The following DLG2 variants were observed in gnomAD, a reference collection of about 807,000 sequenced individuals.
DLG2 encodes discs large MAGUK scaffold protein 2.
Under a neutral mutation model 132.5 loss-of-function variants are expected in DLG2, and 45 were observed. That is an observed-to-expected ratio of 0.34 (90% CI 0.27 to 0.44). The LOEUF (loss-of-function observed/expected upper bound fraction) is 0.44. DLG2 is among the 20% of genes least tolerant of loss of function. The pLI is 1.00. For synonymous variants in DLG2, 424 were observed against 419.6 expected (o/e 1.01, Z -0.13); for missense variants, 1,045 against 1,196.9 (o/e 0.87, Z 1.87).
rs146022712 is a variant in DLG2, at chr11:85,413,009, A to G, written c.41-127644T>C. Among the ~76,000 whole-genome samples, 1,344 of 151,972 alleles carry G rather than the reference A, an allele frequency of 8.8e-3. 21 individuals are homozygous for G. Among genetic ancestry groups the G allele is most frequent in the African/African-American group, 0.031 (1,267 of 41,484 alleles). ...CCAAACTGTTTTCCATAGTGGTTGTACTAATTTACATACCCACCAGCAGTG... is the reference window on the plus strand; with the variant it reads ...CCAAACTGTTTTCCATAGTGGTTGTGCTAATTTACATACCCACCAGCAGTG... On this transcript the variant is annotated intron_variant, in intron 3 of 27. Coordinates refer to ENST00000376104, the MANE Select transcript of DLG2 (RefSeq NM_001142699.3).
Position 85,448,506 on chromosome 11 carries a change from T to G in DLG2, c.40+150151A>C, listed in dbSNP as rs114347577. Among the ~76,000 whole-genome samples the G allele has an allele frequency of 5.8e-3, 879 of 152,300 alleles. 10 individuals are homozygous for G. Among genetic ancestry groups the G allele is most frequent in the African/African-American group, 0.021 (856 of 41,576 alleles). ...GGAAACACTATTTCACCCAAGGATATGCTGCCATTATAAAGTATCATCACA... is the reference window on the plus strand; with the variant it reads ...GGAAACACTATTTCACCCAAGGATAGGCTGCCATTATAAAGTATCATCACA... On this transcript the variant is annotated intron_variant, in intron 3 of 27. Coordinates refer to ENST00000376104, the MANE Select transcript of DLG2 (RefSeq NM_001142699.3).
chr11:84,901,855 A>G (rs2090928599), intron 6 of DLG2, among the ~76,000 whole-genome samples: 1 of 152,088 alleles, frequency 6.6e-6, no homozygotes, highest in Non-Finnish European at 1.5e-5. Context: ...TTTCTATTGT[A>G]CCACACAGTT....
intron 6 of DLG2, among the ~76,000 whole-genome samples, chr11:85,008,414 G>A (rs1041908362): frequency 6.6e-6 from 1 of 152,044 alleles, no homozygotes; most frequent in Non-Finnish European, 1.5e-5. Flanking sequence ...TAAAATCAAA[G>A]TTTGAATAAG....
intron 18 of DLG2, among the ~76,000 whole-genome samples, chr11:83,645,339 T>C (rs1158595587): frequency 2.6e-5 from 4 of 152,118 alleles, no homozygotes. Context: ...TATGGGAAGA[T>C]ACATCTTTAA....
chr11:83,512,764 T>G (rs940910736), intron 21 of DLG2, among the ~76,000 whole-genome samples: 2 of 152,096 alleles, frequency 1.3e-5, no homozygotes, highest in Middle Eastern at 6.8e-3. Flanking sequence ...TTCCCACCTA[T>G]GAGTGAGAAC....
intron 9 of DLG2, among the ~76,000 whole-genome samples, chr11:84,109,961 C>G (rs935220421): frequency 6.6e-6 from 1 of 152,144 alleles, no homozygotes; most frequent in Admixed American, 6.5e-5. Flanking sequence ...TGAAATACCC[C>G]TCAAATCCAT....
At chr11:85,613,149 C>T (rs1446753334) in intron 2 of DLG2, among the ~76,000 whole-genome samples, 1 of 152,188 alleles carries the variant, frequency 6.6e-6, no homozygotes, top group African/African-American at 2.4e-5. Flanking sequence ...CTTTCTAGGT[C>T]CCATGGCAGC....
chr11:85,611,745 G>A (rs2081014519), intron 2 of DLG2, among the ~76,000 whole-genome samples: 1 of 152,234 alleles, frequency 6.6e-6, no homozygotes, highest in Non-Finnish European at 1.5e-5. Flanking sequence ...GAAAGAAAGG[G>A]AGTTCCTAAC....
At chr11:83,821,719 T>C (rs1377525328) in intron 17 of DLG2, among the ~76,000 whole-genome samples, 3 of 151,842 alleles carry the variant, frequency 2.0e-5, no homozygotes, top group East Asian at 1.9e-4. Flanking sequence ...ATTCAATAAA[T>C]CAAATAATTA....
intron 6 of DLG2, among the ~76,000 whole-genome samples, chr11:84,575,662 A>G (rs897321804): frequency 6.6e-6 from 1 of 152,228 alleles, no homozygotes; most frequent in Non-Finnish European, 1.5e-5. Flanking sequence ...CATCTCAAGT[A>G]TGTATCCTTT....
intron 7 of DLG2, among the ~76,000 whole-genome samples, chr11:84,516,652 T>G (rs571831216): frequency 6.6e-6 from 1 of 151,574 alleles, no homozygotes; most frequent in East Asian, 1.9e-4. Context: ...TTAATGCCAA[T>G]TCTTCTCAAA....
At position 83,851,969 on chromosome 11, in the gene DLG2, G is replaced by T. The variant is rs1046952106; in HGVS notation, c.1566-18199C>A. 4.6e-5 allele frequency among the ~76,000 whole-genome samples: 7 copies of T among 151,932 alleles called. 1 individual carries two copies. In the East Asian group the frequency reaches 1.4e-3, roughly 29 times the overall value. ...CCATGTGAAGACAGAGATACACCAG[G>T]AGAATGCCATAAGAAGATGGAGGCC... is the stretch of plus-strand genomic sequence containing the variant. On this transcript the variant is annotated intron_variant, in intron 16 of 27. Coordinates refer to ENST00000376104, the MANE Select transcript of DLG2 (RefSeq NM_001142699.3).
At chr11:84,232,459 C>T (rs2097106185) in intron 8 of DLG2, among the ~76,000 whole-genome samples, 1 of 152,132 alleles carries the variant, frequency 6.6e-6, no homozygotes, top group South Asian at 2.1e-4. Context: ...TTTCTACGGA[C>T]TGAATCACCC....
chr11:83,727,516 A>T (rs1052912066), intron 18 of DLG2, among the ~76,000 whole-genome samples: 2 of 152,194 alleles, frequency 1.3e-5, no homozygotes, highest in African/African-American at 2.4e-5. Flanking sequence ...AAAGCCTGGA[A>T]GAGTCATTAT....
intron 4 of DLG2, among the ~76,000 whole-genome samples, chr11:85,242,825 A>G (rs1051046864): frequency 6.6e-6 from 1 of 151,696 alleles, no homozygotes; most frequent in Non-Finnish European, 1.5e-5. Context: ...TGTAATCTAT[A>G]TTTGTTCCCT....
chr11:84,902,896 T>C (rs114661262), intron 6 of DLG2, among the ~76,000 whole-genome samples: 35 of 152,318 alleles, frequency 2.3e-4, no homozygotes, highest in African/African-American at 8.4e-4. Flanking sequence ...ACTCACATAA[T>C]AGCTCACAGT....
At position 84,848,643 on chromosome 11, in the gene DLG2, G is replaced by A. The variant is rs531326430; in HGVS notation, c.357+263018C>T. ...GGGAGAAAGATAACTTGTGTCCCTG[G>A]TTCATAGTTCTATAGATCCATCTGT... On this transcript the variant is annotated intron_variant, in intron 6 of 27. Transcript: ENST00000376104. 2.0e-5 allele frequency among the ~76,000 whole-genome samples: 3 copies of A among 152,218 alleles called. 1 individual carries two copies. The highest frequency in any genetic ancestry group is 7.2e-5 in the African/African-American group (3 of 41,560).
At chr11:84,362,813 T>C (rs1046943178) in intron 7 of DLG2, among the ~76,000 whole-genome samples, 5 of 152,152 alleles carry the variant, frequency 3.3e-5, no homozygotes, top group African/African-American at 1.2e-4. Context: ...TCCAATTTCA[T>C]CCATGCCCCT....
At chr11:83,630,123 G>C (rs1418758542) in intron 19 of DLG2, among the ~76,000 whole-genome samples, 1 of 152,162 alleles carries the variant, frequency 6.6e-6, no homozygotes, top group Non-Finnish European at 1.5e-5. Context: ...AACTAGATTA[G>C]AAAATAGAGA....
Sources: allele counts gnomAD v4.1 joint callset (sites outside exome capture counted in the v4.1 genomes callset), GRCh38; gene constraint gnomAD v4.1.1; transcripts MANE v1.5; gene names NCBI Gene and HGNC (gene_info 2026-07-23, HGNC 2026-07-21).